Variants in RUSC2 observed in about 807,000 individuals in gnomAD.
RUSC2 encodes the protein RUN and SH3 domain containing 2, also known as AP-4 complex accessory subunit RUSC2.
In RUSC2, 34 loss-of-function variants were observed where a neutral mutation model predicts 122.2. The observed-to-expected ratio is 0.28, with a 90% CI of 0.21 to 0.37. The LOEUF is 0.37. Ranked by LOEUF, RUSC2 falls within the 10% of genes least tolerant of loss-of-function variation. The pLI, the probability that RUSC2 is intolerant of heterozygous loss-of-function variation, is 1.00. For missense variants in RUSC2, 1,747 were observed against 1,952.4 expected (o/e 0.89, Z 1.98); for synonymous variants, 784 against 790.0 (o/e 0.99, Z 0.13).
At chr9:35,507,564 A>G (rs1450746143) in intron 1 of RUSC2, 1 of 214,364 alleles carries the variant, frequency 4.7e-6, no homozygotes, top group Non-Finnish European at 9.8e-6. Flanking sequence ...TCCAGCGAAC[A>G]TGGTGAATGT....
At chr9:35,550,326 A>G (rs1821862861) in intron 2 of RUSC2, among the ~76,000 whole-genome samples, 1 of 151,988 alleles carries the variant, frequency 6.6e-6, no homozygotes, top group African/African-American at 2.4e-5. Flanking sequence ...CATTGGAATA[A>G]AAGTGGTAGC....
At chr9:35,506,458 C>T (rs1158102712) in intron 1 of RUSC2, among the ~76,000 whole-genome samples, 2 of 152,148 alleles carry the variant, frequency 1.3e-5, no homozygotes, top group Non-Finnish European at 2.9e-5. Flanking sequence ...TTTCTGGTGC[C>T]TAACACAACG....
At position 35,558,178 on chromosome 9, in the gene RUSC2, T is replaced by G. The variant is rs1454973606; in HGVS notation, c.3061-19T>G. 2 of 1,608,834 alleles carry G rather than the reference T, an allele frequency of 1.2e-6. No individual in the cohort carries two copies. Among genetic ancestry groups the G allele is most frequent in the Non-Finnish European group, 1.7e-6 (2 of 1,177,928 alleles). ...TCAGGCCTGAGGGGGTTTCCTGCAC[T>G]TCCCTACCACACCTACAGGCAAAGC... is the stretch of plus-strand genomic sequence containing the variant. On this transcript the variant is annotated intron_variant, in intron 6 of 11. Coordinates refer to ENST00000361226, the MANE Select transcript of RUSC2 (RefSeq NM_014806.5). This position sits in a 1 kb window ranked among gnomAD's most constrained non-coding sequence, Gnocchi z 4.3.
chr9:35,490,348 C>T (rs1278065660), intron 1 of RUSC2, among the ~76,000 whole-genome samples, 176 bp downstream of exon 1: 1 of 152,074 alleles, frequency 6.6e-6, no homozygotes, highest in Admixed American at 6.5e-5. Context: ...ACCCCCTGGG[C>T]AGACCTCGTC....
At chr9:35,518,295 AC>A (rs374568825) in intron 1 of RUSC2, among the ~76,000 whole-genome samples, 25 of 152,202 alleles carry the variant, frequency 1.6e-4, no homozygotes, top group African/African-American at 6.0e-4. Flanking sequence ...TGACAGAGTC[AC>A]TGTTCCTGTG....
chr9:35,502,290 C>T (rs1430779319), intron 1 of RUSC2, among the ~76,000 whole-genome samples: 2 of 152,088 alleles, frequency 1.3e-5, no homozygotes, highest in East Asian at 3.9e-4. Context: ...TTCCCCAAAC[C>T]CCACCCCCTA....
chr9:35,537,100 A>G (rs1167687313), intron 1 of RUSC2, among the ~76,000 whole-genome samples: 1 of 152,188 alleles, frequency 6.6e-6, no homozygotes, highest in African/African-American at 2.4e-5. Flanking sequence ...GATCTTTGGC[A>G]GTAGTGGTTA....
intron 1 of RUSC2, among the ~76,000 whole-genome samples, chr9:35,500,401 C>G (rs1184773605): frequency 1.3e-5 from 2 of 152,170 alleles, no homozygotes; most frequent in African/African-American, 4.8e-5. Flanking sequence ...CCCACCAGGT[C>G]CCTCTCACAA....
Position 35,561,420 on chromosome 9 carries a change from A to AC in RUSC2, c.*43dup, listed in dbSNP as rs772214642. On this transcript the variant is annotated 3_prime_UTR_variant, in exon 12 of 12. Transcript: ENST00000361226. ...GCTGGTGGCCTCAGGGACCCTCATAACCCCCAGACTCAGAGCCCGAGAGCC... is the reference window on the plus strand; with the variant it reads ...GCTGGTGGCCTCAGGGACCCTCATAACCCCCCAGACTCAGAGCCCGAGAGCC... 6.5e-7 allele frequency: 1 copy of AC among 1,531,300 alleles called. No individual in the cohort carries two copies. Among genetic ancestry groups the AC allele is most frequent in the Non-Finnish European group, 8.9e-7 (1 of 1,128,618 alleles). 94.9% of individuals were successfully genotyped at this position (1,531,300 alleles called of 1,614,324 possible).
chr9:35,556,403 G>C lies in RUSC2; in HGVS notation c.2938G>C (p.Asp980His). Reference protein sequence around the residue: ...KPPAEFCLSPDGSSEAISIDL... With the variant: ...KPPAEFCLSPHGSSEAISIDL... ...TCCAGCTGAGTTTTGTCTGTCCCCA[G>C]ATGGCAGCTCAGAGGCCATTTCCAT... The change falls in exon 5 of 12, where the codon GAT (aspartate) becomes CAT (histidine). Residue 980 changes from aspartate to histidine, a missense_variant. Physicochemically the swap from Asp to His is moderately conservative, Grantham distance 81. Coordinates refer to ENST00000361226, the MANE Select transcript of RUSC2 (RefSeq NM_014806.5). The C allele has an allele frequency of 6.2e-7, 1 of 1,614,110 alleles. No individual in the cohort carries two copies. The highest frequency in any genetic ancestry group is 2.2e-5 in the East Asian group (1 of 44,894).
chr9:35,548,382 G>T lies in RUSC2; in HGVS notation c.1861G>T (p.Val621Phe). 6.2e-7 allele frequency: 1 copy of T among 1,614,028 alleles called. No homozygotes were observed. Among genetic ancestry groups the T allele is most frequent in the Non-Finnish European group, 8.5e-7 (1 of 1,180,028 alleles). Residue 621 changes from valine to phenylalanine, a missense_variant, in exon 2 of 12, where the codon GTC becomes TTC. Transcript: ENST00000361226. This position sits in a 1 kb window ranked among gnomAD's most constrained non-coding sequence, Gnocchi z 4.5. The part of the protein sequence containing the change: ...PDPSPPWSTQ[V>F]CQGPHSSEMP... ...CCCAAGTCCACCCTGGTCCACCCAG[G>T]TCTGTCAGGGACCCCACTCCAGTGA...
At chr9:35,535,551 T>C (rs1379702508) in intron 1 of RUSC2, among the ~76,000 whole-genome samples, 1 of 150,044 alleles carries the variant, frequency 6.7e-6, no homozygotes, top group Non-Finnish European at 1.5e-5. Flanking sequence ...TTTTTTTTTT[T>C]TTTGAGACGG....
intron 9 of RUSC2, among the ~76,000 whole-genome samples, chr9:35,559,726 C>G (rs1254395876): frequency 1.3e-5 from 2 of 152,118 alleles, no homozygotes; most frequent in African/African-American, 4.8e-5. Context: ...CAGAGTGAGA[C>G]TCAGTCTCAA....
At chr9:35,495,279 A>G (rs1332171928) in intron 1 of RUSC2, among the ~76,000 whole-genome samples, 1 of 113,908 alleles carries the variant, frequency 8.8e-6, no homozygotes, top group East Asian at 2.5e-4. Flanking sequence ...TATATATTAT[A>G]TATATTATAC....
At chr9:35,495,657 C>T (rs1306053699) in intron 1 of RUSC2, among the ~76,000 whole-genome samples, 2 of 152,008 alleles carry the variant, frequency 1.3e-5, no homozygotes, top group African/African-American at 4.8e-5. Flanking sequence ...TTCAGGATCC[C>T]TTAAGATTCC....
In RUSC2 at chr9:35,548,130, C is replaced by A. The variant is rs771167568; in HGVS notation, c.1609C>A (p.Pro537Thr). Residue 537 changes from proline to threonine, a missense_variant, in exon 2 of 12, where the codon CCA becomes ACA. Coordinates refer to ENST00000361226, the MANE Select transcript of RUSC2 (RefSeq NM_014806.5). This position sits in a 1 kb window ranked among gnomAD's most constrained non-coding sequence, Gnocchi z 4.5. ...TGCAGCCATGGCCGGGCCTGGCTCC[C>A]CACCCAGGAGGGTCACCTCCTTTGC... is the stretch of plus-strand genomic sequence containing the variant. ...GPAAMAGPGSPPRRVTSFAEL... is the reference protein window; with the variant it reads ...GPAAMAGPGSTPRRVTSFAEL... 1.7e-5 allele frequency: 28 copies of A among 1,613,176 alleles called. No individual in the cohort carries two copies. In the East Asian group the frequency reaches 5.3e-4, roughly 31 times the overall value.
chr9:35,537,812 TG>T (rs1821560162), intron 1 of RUSC2, among the ~76,000 whole-genome samples: 3 of 152,178 alleles, frequency 2.0e-5, no homozygotes. Context: ...GGCTAGTGTT[TG>T]GGGACCAAGC....
At chr9:35,494,218 C>A (rs1342165002) in intron 1 of RUSC2, among the ~76,000 whole-genome samples, 1 of 151,740 alleles carries the variant, frequency 6.6e-6, no homozygotes, top group Non-Finnish European at 1.5e-5. Context: ...GTAATCCCAG[C>A]ACTTTGGGAG....
At chr9:35,534,853 A>G (rs1392495516) in intron 1 of RUSC2, among the ~76,000 whole-genome samples, 1 of 152,212 alleles carries the variant, frequency 6.6e-6, no homozygotes, top group African/African-American at 2.4e-5. Context: ...TATATTCTGG[A>G]TAGAAATCCC....
Sources: allele counts gnomAD v4.1 joint callset (sites outside exome capture counted in the v4.1 genomes callset), GRCh38; gene constraint gnomAD v4.1.1; non-coding constraint Gnocchi (gnomAD v3.1); transcripts MANE v1.5; gene names NCBI Gene and HGNC (gene_info 2026-07-23, HGNC 2026-07-21).